The following CCNH variants were observed in gnomAD, a reference collection of about 807,000 sequenced individuals.
CCNH encodes cyclin H.
A neutral mutation model predicts 41.9 loss-of-function variants in CCNH; 31 were observed. The ratio of observed to expected loss-of-function variants is 0.74; its 90% confidence interval spans 0.56 to 1.00. The LOEUF is 1.00. CCNH is among the 50% of genes least tolerant of loss of function. CCNH has a pLI of 0.00. For missense variants in CCNH, 362 were observed against 388.4 expected, an observed-to-expected ratio of 0.93 and a Z score of 0.57; for synonymous variants, 138 against 136.1, an observed-to-expected ratio of 1.01 and a Z score of -0.10.
intron 9 of CCNH, among the ~76,000 whole-genome samples, chr5:87,357,096 C>A (rs1257135293): frequency 6.6e-6 from 1 of 152,138 alleles, no homozygotes; most frequent in African/African-American, 2.4e-5. Context: ...TTCCTATCAC[C>A]ATGTCAGTCT....
intron 9 of CCNH, chr5:87,362,766 A>G: frequency 7.0e-7 from 1 of 1,423,374 alleles, no homozygotes; most frequent in Non-Finnish European, 9.8e-7. Context: ...AAGTTTTGAC[A>G]TGAGTTATTA....
At chr5:87,376,937 A>G in exon 1 of CCNH, 1 of 1,611,266 alleles carries the variant, frequency 6.2e-7, no homozygotes, top group Non-Finnish European at 8.5e-7. Flanking sequence ...TATGTGGACA[A>G]GACCGAACAC....
At chr5:87,352,926 G>T (rs930761664) in intron 9 of CCNH, among the ~76,000 whole-genome samples, 8 of 151,812 alleles carry the variant, frequency 5.3e-5, no homozygotes, top group Non-Finnish European at 1.0e-4. Context: ...GATGGGTATG[G>T]AAAATCAGAA....
chr5:87,377,035 T>G lies in CCNH; in HGVS notation n.146A>C, dbSNP rs1200117842. On this transcript the variant is annotated non_coding_transcript_exon_variant, in exon 1 of 1. Transcript: ENST00000607486. ...ACACTAAATGACAGAGAAATAAGCATGGAAGGTATGGTATGGCCATGTTAG... is the reference window on the plus strand; with the variant it reads ...ACACTAAATGACAGAGAAATAAGCAGGGAAGGTATGGTATGGCCATGTTAG... 13 of 1,613,414 alleles carry G rather than the reference T, an allele frequency of 8.1e-6. No individual in the cohort carries two copies. The highest frequency in any genetic ancestry group is 1.1e-5 in the Non-Finnish European group (13 of 1,179,486).
chr5:87,379,877 A>T (rs767732982), upstream of CCNH: 2 of 1,603,408 alleles, frequency 1.2e-6, no homozygotes, highest in East Asian at 4.5e-5. Flanking sequence ...TCATTTGACA[A>T]GAAATTGTGT....
At chr5:87,402,439 T>C (rs1763485030) in intron 5 of CCNH, among the ~76,000 whole-genome samples, 1 of 152,220 alleles carries the variant, frequency 6.6e-6, no homozygotes, top group African/African-American at 2.4e-5. Context: ...TCAGTTACTC[T>C]GAAGTTTTAC....
downstream of CCNH, chr5:87,394,223 T>G: frequency 8.4e-7 from 1 of 1,194,822 alleles, no homozygotes; most frequent in Non-Finnish European, 1.0e-6. Context: ...AGCTTTAATT[T>G]GATATTAGTC....
chr5:87,366,020 A>C lies in CCNH; in HGVS notation c.*90+26750T>G, dbSNP rs541330610. On this transcript the variant is annotated intron_variant and NMD_transcript_variant, in intron 9 of 9. Transcript: ENST00000645953. ...TCAAAATACCTACTGTTGGATGCTG[A>C]AGTATGTTACCTGTCCAAAAGAAAA... Among the ~76,000 whole-genome samples the C allele has an allele frequency of 1.6e-3, 238 of 152,314 alleles. 1 individual carries two copies. Among genetic ancestry groups the C allele is most frequent in the Middle Eastern group, 0.01 (3 of 294 alleles).
chr5:87,405,793 T>C (rs1460592066), intron 4 of CCNH, among the ~76,000 whole-genome samples: 2 of 152,108 alleles, frequency 1.3e-5, no homozygotes, highest in Non-Finnish European at 2.9e-5. Context: ...CTGAATTCCC[T>C]GCCCCAATAT....
chr5:87,355,981 T>C lies in CCNH; in HGVS notation c.*90+36789A>G, dbSNP rs187743311. On this transcript the variant is annotated intron_variant and NMD_transcript_variant, in intron 9 of 9. Transcript: ENST00000645953. Reference sequence around the variant, plus strand: ...AATTACTCCACTTTTGTGATGAAACTGGAGCGAAAGAGGAGTTGCTTGTTA... The same window carrying C: ...AATTACTCCACTTTTGTGATGAAACCGGAGCGAAAGAGGAGTTGCTTGTTA... Among the ~76,000 whole-genome samples, 7 of 152,324 alleles carry C rather than the reference T, an allele frequency of 4.6e-5. No homozygotes were observed. The East Asian group carries it at 1.4e-3, about 29-fold the overall frequency.
chr5:87,374,192 A>G, downstream of CCNH: 1 of 1,566,070 alleles, frequency 6.4e-7, no homozygotes, highest in Non-Finnish European at 8.7e-7. Context: ...ATATTGAAGA[A>G]GCCCATAAAC....
downstream of CCNH, among the ~76,000 whole-genome samples, chr5:87,373,336 T>G (rs1331872972): frequency 1.3e-5 from 2 of 152,088 alleles, no homozygotes; most frequent in African/African-American, 4.8e-5. Context: ...TAGAGATGAT[T>G]TACGGCATAC....
chr5:87,401,198 G>A (rs1030631025), intron 6 of CCNH, among the ~76,000 whole-genome samples: 2 of 152,180 alleles, frequency 1.3e-5, no homozygotes, highest in South Asian at 2.1e-4. Context: ...GCTTCCGATG[G>A]CTGCCAGCTT....
chr5:87,397,488 A>T (rs773801775), intron 7 of CCNH, among the ~76,000 whole-genome samples: 1 of 152,138 alleles, frequency 6.6e-6, no homozygotes, highest in African/African-American at 2.4e-5. Flanking sequence ...AATTTGATAT[A>T]ATAATTTTAT....
Position 87,363,398 on chromosome 5 carries a change from G to T in CCNH, c.*90+29372C>A, listed in dbSNP as rs778999159. The T allele has an allele frequency of 3.7e-5, 60 of 1,610,750 alleles. 1 individual carries two copies. The Admixed American group carries it at 7.3e-4, about 20-fold the overall frequency. ...ATATTTTATCTTAGAGGGTAGTGAT[G>T]CCCAACTTATTTATTTTGAAAGCGA... On this transcript the variant is annotated intron_variant and NMD_transcript_variant, in intron 9 of 9. Transcript: ENST00000645953.
At chr5:87,367,059 A>C (rs1335537639) in intron 9 of CCNH, among the ~76,000 whole-genome samples, 1 of 152,162 alleles carries the variant, frequency 6.6e-6, no homozygotes, top group East Asian at 1.9e-4. Context: ...AACAACAACA[A>C]AAATTTTTTT....
At chr5:87,353,113 A>C (rs1202380466) in intron 9 of CCNH, 1 of 1,461,884 alleles carries the variant, frequency 6.8e-7, no homozygotes, top group Non-Finnish European at 9.6e-7. Flanking sequence ...AAGATTTTGC[A>C]GTTTTATGAG....
intron 9 of CCNH, among the ~76,000 whole-genome samples, chr5:87,364,330 A>C (rs1760342560): frequency 6.6e-6 from 1 of 152,146 alleles, no homozygotes; most frequent in East Asian, 1.9e-4. Context: ...TTAGGAGATC[A>C]CATTAGTGTT....
At chr5:87,312,309 G>C in the CCNH span, among the ~76,000 whole-genome samples, 1 of 152,124 alleles carries the variant, frequency 6.6e-6, no homozygotes, top group Non-Finnish European at 1.5e-5. Flanking sequence ...TCTGTCTTCT[G>C]TTAAGTTAGA....
Sources: allele counts gnomAD v4.1 joint callset (sites outside exome capture counted in the v4.1 genomes callset), GRCh38; gene constraint gnomAD v4.1.1; transcripts MANE v1.5; gene names NCBI Gene and HGNC (gene_info 2026-07-23, HGNC 2026-07-21).